The following KCNT2 variants were observed in gnomAD, a reference collection of about 807,000 sequenced individuals.
KCNT2 encodes potassium sodium-activated channel subfamily T member 2.
KCNT2 carries 67 observed loss-of-function variants against 153.8 expected under a neutral mutation model. That is an observed-to-expected ratio of 0.44 (90% CI 0.36 to 0.53). The LOEUF (loss-of-function observed/expected upper bound fraction) is 0.53, where lower values mean the gene tolerates loss of function less well. Ranked by LOEUF, KCNT2 falls within the 20% of genes least tolerant of loss-of-function variation. The pLI, the probability that KCNT2 is intolerant of heterozygous loss-of-function variation, is 0.00. For missense variants in KCNT2, 975 were observed against 1,354.8 expected, an observed-to-expected ratio of 0.72 and a Z score of 4.40; for synonymous variants, 500 against 458.8, an observed-to-expected ratio of 1.09 and a Z score of -1.15.
intron 14 of KCNT2, among the ~76,000 whole-genome samples, chr1:196,357,354 T>G (rs1572156448): frequency 6.6e-6 from 1 of 152,100 alleles, no homozygotes; most frequent in Middle Eastern, 3.4e-3. Flanking sequence ...TTGCTCTATA[T>G]TATGACATGT....
chr1:196,540,211 A>G (rs1297694204), intron 1 of KCNT2, among the ~76,000 whole-genome samples: 2 of 152,182 alleles, frequency 1.3e-5, no homozygotes, highest in African/African-American at 2.4e-5. Flanking sequence ...CCAAATATGA[A>G]CACTTCCTTC....
chr1:196,505,680 G>A (rs1313426312), intron 1 of KCNT2, among the ~76,000 whole-genome samples: 2 of 151,996 alleles, frequency 1.3e-5, no homozygotes, highest in Non-Finnish European at 2.9e-5. Context: ...TGGGCAGTAT[G>A]GACATTTTCA....
At chr1:196,341,093 C>T (rs1242081753) in intron 15 of KCNT2, among the ~76,000 whole-genome samples, 1 of 151,638 alleles carries the variant, frequency 6.6e-6, no homozygotes, top group Non-Finnish European at 1.5e-5. Flanking sequence ...AAGTAGAATA[C>T]AGAAGCTCCT....
chr1:196,249,112 T>TA (rs370845355), intron 26 of KCNT2, among the ~76,000 whole-genome samples: 20 of 150,912 alleles, frequency 1.3e-4, no homozygotes, highest in East Asian at 3.9e-4. Context: ...CTTTCATGAT[T>TA]AAAAAAAAAC....
chr1:196,419,926 T>C (rs572223268), intron 12 of KCNT2, among the ~76,000 whole-genome samples: 10 of 152,160 alleles, frequency 6.6e-5, no homozygotes, highest in Non-Finnish European at 1.3e-4. Context: ...AATTTGACAA[T>C]TTTTGTGTGG....
At chr1:196,335,395 T>C (rs1664922647) in intron 16 of KCNT2, among the ~76,000 whole-genome samples, 1 of 152,084 alleles carries the variant, frequency 6.6e-6, no homozygotes, top group African/African-American at 2.4e-5. Flanking sequence ...ATGGTATAGG[T>C]ATAGCCTACT....
chr1:196,256,234 G>C (rs1165335696), intron 26 of KCNT2, among the ~76,000 whole-genome samples: 1 of 151,696 alleles, frequency 6.6e-6, no homozygotes, highest in Non-Finnish European at 1.5e-5. Flanking sequence ...TTATAAACCT[G>C]GTACCACTGA....
intron 14 of KCNT2, among the ~76,000 whole-genome samples, chr1:196,346,970 T>C (rs1444073059): frequency 1.3e-5 from 2 of 152,158 alleles, no homozygotes; most frequent in East Asian, 1.9e-4. Flanking sequence ...CTATGAGATA[T>C]ATGCTTTTAC....
At chr1:196,510,489 A>G (rs1018868088) in intron 1 of KCNT2, among the ~76,000 whole-genome samples, 13 of 152,316 alleles carry the variant, frequency 8.5e-5, no homozygotes, top group African/African-American at 3.1e-4. Flanking sequence ...TTTTCTGATT[A>G]TAACACACAC....
At chr1:196,257,242 G>C in intron 26 of KCNT2, 1 of 984,968 alleles carries the variant, frequency 1.0e-6, no homozygotes, top group Non-Finnish European at 1.2e-6. Context: ...GCTATGCATA[G>C]AGTAGTGCTA....
intron 18 of KCNT2, among the ~76,000 whole-genome samples, chr1:196,330,385 G>C (rs1371135959): frequency 6.6e-6 from 1 of 151,808 alleles, no homozygotes; most frequent in Non-Finnish European, 1.5e-5. Flanking sequence ...ACTGAAACTT[G>C]GTGAAGTTAG....
chr1:196,352,083 G>T (rs112805811), intron 14 of KCNT2, among the ~76,000 whole-genome samples: 145 of 152,174 alleles, frequency 9.5e-4, no homozygotes, highest in African/African-American at 3.3e-3. Context: ...TAAGCTTTTG[G>T]ATGTGTTGCT....
intron 26 of KCNT2, among the ~76,000 whole-genome samples, chr1:196,244,089 G>A (rs1014136290): frequency 3.9e-5 from 6 of 151,910 alleles, no homozygotes; most frequent in Non-Finnish European, 5.9e-5. Flanking sequence ...ACATACCCTC[G>A]GCCAGAAGGG....
At chr1:196,326,507 A>C (rs1273101014) in intron 19 of KCNT2, among the ~76,000 whole-genome samples, 7 of 152,132 alleles carry the variant, frequency 4.6e-5, no homozygotes, top group Non-Finnish European at 8.8e-5. Flanking sequence ...AATTCTCAGA[A>C]TATCCCAGTT....
At chr1:196,381,091 A>C (rs1446134907) in intron 13 of KCNT2, among the ~76,000 whole-genome samples, 3 of 152,170 alleles carry the variant, frequency 2.0e-5, no homozygotes, top group Non-Finnish European at 4.4e-5. Flanking sequence ...TTTCTGTAAA[A>C]CAGATTTATT....
intron 1 of KCNT2, among the ~76,000 whole-genome samples, chr1:196,525,226 TAAAA>T (rs377672266): frequency 2.0e-5 from 3 of 147,432 alleles, no homozygotes; most frequent in African/African-American, 2.5e-5. Context: ...GTAAAGCAAA[TAAAA>T]AAAAAAATCA....
intron 1 of KCNT2, among the ~76,000 whole-genome samples, chr1:196,548,423 A>C (rs920435768): frequency 6.6e-6 from 1 of 152,284 alleles, no homozygotes; most frequent in East Asian, 1.9e-4. Context: ...ATCACTGGCC[A>C]TCAGAGAAAT....
At chr1:196,483,559 G>C (rs887558617) in intron 3 of KCNT2, among the ~76,000 whole-genome samples, 2 of 152,158 alleles carry the variant, frequency 1.3e-5, no homozygotes, top group African/African-American at 4.8e-5. Flanking sequence ...ACTTATTCAA[G>C]TGGACTCATT....
chr1:196,230,259 C>G (rs909191429), intron 27 of KCNT2, among the ~76,000 whole-genome samples: 2 of 151,950 alleles, frequency 1.3e-5, no homozygotes, highest in African/African-American at 4.8e-5. Flanking sequence ...TCCTAGGACA[C>G]TTAAGAATTC....
Sources: allele counts gnomAD v4.1 joint callset (sites outside exome capture counted in the v4.1 genomes callset), GRCh38; gene constraint gnomAD v4.1.1; transcripts MANE v1.5; gene names NCBI Gene and HGNC (gene_info 2026-07-23, HGNC 2026-07-21).